ZSCAN31: variants seen among roughly 807,000 people sequenced by gnomAD.
The protein encoded by ZSCAN31 is zinc finger and SCAN domain containing 31.
Under a neutral mutation model 22.5 loss-of-function variants are expected in ZSCAN31, and 14 were observed. The ratio of observed to expected loss-of-function variants is 0.62; its 90% CI spans 0.41 to 0.97. The LOEUF (loss-of-function observed/expected upper bound fraction) is 0.97. Among genes scored for constraint, ZSCAN31 ranks in the 50% least tolerant of loss-of-function variants. The pLI is 0.00. For synonymous variants in ZSCAN31, 168 were observed against 169.8 expected, an observed-to-expected ratio of 0.99 and a Z score of 0.08; for missense variants, 424 against 483.4, an observed-to-expected ratio of 0.88 and a Z score of 1.15.
At chr6:28,350,592 G>C (rs1203985984) in intron 2 of ZSCAN31, among the ~76,000 whole-genome samples, 2 of 152,146 alleles carry the variant, frequency 1.3e-5, no homozygotes, top group Non-Finnish European at 2.9e-5. Flanking sequence ...TGTGAGGATT[G>C]AATGCATTCG....
intron 2 of ZSCAN31, among the ~76,000 whole-genome samples, chr6:28,345,539 C>A (rs533026362): frequency 7.2e-5 from 11 of 152,182 alleles, no homozygotes; most frequent in Non-Finnish European, 1.6e-4. Flanking sequence ...TGATATGATA[C>A]AACATCATGA....
upstream of ZSCAN31, among the ~76,000 whole-genome samples, chr6:28,340,868 G>C (rs1265563841): frequency 6.6e-6 from 1 of 152,104 alleles, no homozygotes; most frequent in Admixed American, 6.5e-5. Context: ...CTTCCCTTCA[G>C]ACTGAAGTTT....
chr6:28,349,864 G>C lies in ZSCAN31; in HGVS notation c.-371+3998C>G, dbSNP rs1361761681. 3 of 152,230 alleles carry C rather than the reference G, an allele frequency of 2.0e-5. No homozygotes were observed. The highest frequency in any genetic ancestry group is 1.3e-4 in the Admixed American group (2 of 15,288). 9.4% of individuals were successfully genotyped at this position (152,230 alleles called of 1,614,324 possible). ...AAAAGGGGAGGGGACACAAGGTGCC[G>C]AGCTAGCAAACGACAGAGTCTGTCA... On this transcript the variant is annotated intron_variant, in intron 2 of 7. Transcript: ENST00000396838. This position sits in a 1 kb window ranked among gnomAD's most constrained non-coding sequence, Gnocchi z 4.1.
chr6:28,341,836 A>G (rs943204677), intron 2 of ZSCAN31: 1 of 152,250 alleles, frequency 6.6e-6, no homozygotes, highest in African/African-American at 2.4e-5. Context: ...CAACCTGCAT[A>G]AACAACCCTG....
chr6:28,333,605 A>G lies in ZSCAN31; in HGVS notation c.-96+2477T>C, dbSNP rs1168163858. Among the ~76,000 whole-genome samples, 1 of 152,168 alleles carries G rather than the reference A, an allele frequency of 6.6e-6. No individual in the cohort carries two copies. The highest frequency in any genetic ancestry group is 1.9e-4 in the East Asian group (1 of 5,198). ...GAGGTAACATTTAAGCCAAGCCCTT[A>G]AGTGCAAAAGAAGTGAGCCATACAG... On this transcript the variant is annotated intron_variant, in intron 1 of 3. Transcript: ENST00000344279. The surrounding 1 kb of genome is among the most constrained non-coding windows in gnomAD (Gnocchi z 4.1).
In ZSCAN31 at chr6:28,331,600, CT is replaced by C. The variant is rs11298709; in HGVS notation, c.-95-1823del. Among the ~76,000 whole-genome samples, 5,464 of 152,224 alleles carry C rather than the reference CT, an allele frequency of 0.036. 242 individuals carry two copies. The highest frequency in any genetic ancestry group is 0.1 in the African/African-American group (4,343 of 41,518). On this transcript the variant is annotated intron_variant, in intron 1 of 3. Transcript: ENST00000344279. This position sits in a 1 kb window ranked among gnomAD's most constrained non-coding sequence, Gnocchi z 4.8. The stretch of plus-strand genomic sequence containing the variant: ...TCAATGTCTAATGCCAAATGTATAT[CT>C]TTTTACTCCTTACTGTAGCATCTGG...
rs1423963637 is a variant in ZSCAN31, at chr6:28,347,752, T to C, written c.-370-5960A>G. The stretch of plus-strand genomic sequence containing the variant: ...AAGAGCTCCTACAGGGTAAGTACTT[T>C]GAAGCTGCTGGGCCAATGTGTGTAT... On this transcript the variant is annotated intron_variant, in intron 2 of 7. Transcript: ENST00000396838. The surrounding 1 kb of genome is among the most constrained non-coding windows in gnomAD (Gnocchi z 5.2). Among the ~76,000 whole-genome samples, 2 of 141,726 alleles carry C rather than the reference T, an allele frequency of 1.4e-5. No homozygotes were observed. The highest frequency in any genetic ancestry group is 3.1e-5 in the Non-Finnish European group (2 of 65,520). 93.0% of individuals were successfully genotyped at this position (141,726 alleles called of 152,430 possible). A position where few individuals can be genotyped will look rare whatever the true frequency, so the allele number is the denominator to read the frequency against.
intron 2 of ZSCAN31, 94 bp downstream of exon 2, chr6:28,329,209 C>G: frequency 1.4e-6 from 2 of 1,428,032 alleles, no homozygotes; most frequent in Non-Finnish European, 1.9e-6. Context: ...CAACAGAGAA[C>G]TAATACATAT....
chr6:28,339,136 AT>A (rs1561920035), upstream of ZSCAN31, among the ~76,000 whole-genome samples: 1 of 152,164 alleles, frequency 6.6e-6, no homozygotes, highest in African/African-American at 2.4e-5. Context: ...CCAAGAGCAT[AT>A]TTTTTTACTG....
chr6:28,354,028 GCCT>G, intron 1 of ZSCAN31: 1 of 445,568 alleles, frequency 2.2e-6, no homozygotes, highest in Admixed American at 2.4e-5. Flanking sequence ...TGTCTCGGCT[GCCT>G]CCTCCGACCG....
rs1356897503 is a variant in ZSCAN31, at chr6:28,329,429, C to T, written c.255G>A (p.Glu85=). The part of the protein sequence containing the change: ...KEQILELLVL[E]QFLTILPEEL... Reference sequence around the variant, plus strand: ...CCTCAGGCAGGATAGTCAGGAATTGCTCCAGCACCAGCAGCTCCAAGATTT... The same window carrying T: ...CCTCAGGCAGGATAGTCAGGAATTGTTCCAGCACCAGCAGCTCCAAGATTT... Residue 85 remains glutamate (E), a synonymous_variant, in exon 2 of 4, where the codon GAG becomes GAA. Coordinates refer to ENST00000344279, the MANE Select transcript of ZSCAN31 (RefSeq NM_030899.5). 3 of 1,614,232 alleles carry T rather than the reference C, an allele frequency of 1.9e-6. No individual in the cohort carries two copies.
intron 2 of ZSCAN31, among the ~76,000 whole-genome samples, chr6:28,343,730 G>A (rs922082663): frequency 9.9e-5 from 15 of 151,894 alleles, no homozygotes; most frequent in East Asian, 3.9e-4. Flanking sequence ...GGGTTTCACC[G>A]TGTTAGCCAG....
chr6:28,350,084 A>ATGTGTGTG (rs112636754), intron 2 of ZSCAN31: 10,350 of 148,712 alleles, frequency 0.07, 480 homozygotes, highest in African/African-American at 0.13. Flanking sequence ...TTGCAGGAGT[A>ATGTGTGTG]TGTGTGTGTG....
chr6:28,327,471 G>A lies in ZSCAN31; in HGVS notation c.444C>T (p.Val148=), dbSNP rs1252096422. ...GCTGTATGTCTGTTGGTTCCTGCTT[G>A]ACCTTCAGATGTTCCACATCCTCCA... is the stretch of plus-strand genomic sequence containing the variant. ...VLLEDVEHLK[V]KQEPTDIQLQ... Residue 148 remains valine, a synonymous_variant, in exon 3 of 4, where the codon GTC becomes GTT. Coordinates refer to ENST00000344279, the MANE Select transcript of ZSCAN31 (RefSeq NM_030899.5). 3 of 1,613,854 alleles carry A rather than the reference G, an allele frequency of 1.9e-6. No homozygotes were observed. In the African/African-American group the frequency reaches 4.0e-5, roughly 22 times the overall value.
Position 28,328,372 on chromosome 6 carries a change from G to T in ZSCAN31, c.382-839C>A, listed in dbSNP as rs1449463579. 3.9e-5 allele frequency among the ~76,000 whole-genome samples: 6 copies of T among 152,236 alleles called. No homozygotes were observed. The East Asian group carries it at 7.7e-4, about 20-fold the overall frequency. Reference sequence around the variant, plus strand: ...AACCATAAGAGATGGCTACGCCCAGGGGGGCCAGTTCAGAGACCTACCCCC... The same window carrying T: ...AACCATAAGAGATGGCTACGCCCAGTGGGGCCAGTTCAGAGACCTACCCCC... On this transcript the variant is annotated intron_variant, in intron 2 of 3. Coordinates refer to ENST00000344279, the MANE Select transcript of ZSCAN31 (RefSeq NM_030899.5).
Position 28,326,788 on chromosome 6 carries a change from T to C in ZSCAN31, c.599A>G (p.His200Arg). The C allele has an allele frequency of 6.2e-7, 1 of 1,613,730 alleles. No homozygotes were observed. Among genetic ancestry groups the C allele is most frequent in the Non-Finnish European group, 8.5e-7 (1 of 1,180,030 alleles). ...SKQEILKEME[H>R]LGDSKLQRDV... ...TCTTTGGAGTTTGCTATCCCCCAAATGTTCCATTTCTTTTAAGATTTCTTG... is the reference window on the plus strand; with the variant it reads ...TCTTTGGAGTTTGCTATCCCCCAAACGTTCCATTTCTTTTAAGATTTCTTG... The change falls in exon 4 of 4, where the codon CAT (histidine) becomes CGT (arginine). Residue 200 changes from histidine to arginine, a missense_variant. His to Arg is a conservative substitution (Grantham distance 29). Transcript: ENST00000344279.
chr6:28,330,022 A>C (rs1763621361), intron 1 of ZSCAN31, among the ~76,000 whole-genome samples: 3 of 152,178 alleles, frequency 2.0e-5, no homozygotes, highest in Non-Finnish European at 4.4e-5. Context: ...GTGACACTGG[A>C]TTCAACAATA....
At chr6:28,350,657 C>G (rs1764939831) in intron 2 of ZSCAN31, among the ~76,000 whole-genome samples, 1 of 152,084 alleles carries the variant, frequency 6.6e-6, no homozygotes, top group Non-Finnish European at 1.5e-5. Context: ...ATTAGTGGTA[C>G]TATTATTATT....
At chr6:28,334,791 G>T (rs1163772555) in intron 1 of ZSCAN31, among the ~76,000 whole-genome samples, 2 of 152,106 alleles carry the variant, frequency 1.3e-5, no homozygotes, top group Admixed American at 6.5e-5. Flanking sequence ...TGGGACAACA[G>T]GGGGTGGAAG....
Sources: gnomAD v4.1 joint callset for allele counts (sites outside exome capture counted in the v4.1 genomes callset) on GRCh38, gnomAD v4.1.1 for gene constraint, Gnocchi (gnomAD v3.1) non-coding constraint, MANE v1.5 for transcripts, NCBI Gene and HGNC (gene_info 2026-07-23, HGNC 2026-07-21) for gene names.